Variants in RSU1 observed in about 807,000 individuals in gnomAD.
RSU1 encodes Ras suppressor protein 1, also known as rsu-1.
RSU1 carries 26 observed loss-of-function variants against 31.1 expected under a neutral mutation model. The observed-to-expected ratio is 0.84, with a 90% CI of 0.61 to 1.16. The LOEUF is 1.16. RSU1 is among the 50% of genes most tolerant of loss of function. The pLI, the probability that RSU1 is intolerant of heterozygous loss-of-function variation, is 0.00. For missense variants in RSU1, 320 were observed against 339.1 expected (o/e 0.94, Z 0.44); for synonymous variants, 164 against 136.3 (o/e 1.20, Z -1.41).
intron 7 of RSU1, among the ~76,000 whole-genome samples, chr10:16,701,774 T>C (rs997695920): frequency 1.3e-5 from 2 of 152,122 alleles, no homozygotes. Context: ...ATTGCTTCCA[T>C]CTGATGCTCT....
intron 8 of RSU1, among the ~76,000 whole-genome samples, chr10:16,682,535 T>TATACACAC (rs1835345662): frequency 7.6e-5 from 2 of 26,480 alleles, no homozygotes; most frequent in Admixed American, 7.1e-4. Flanking sequence ...AAATCATTCA[T>TATACACAC]ACACACACAC....
chr10:16,671,766 C>G (rs1441381382), intron 8 of RSU1, among the ~76,000 whole-genome samples: 1 of 151,838 alleles, frequency 6.6e-6, no homozygotes, highest in African/African-American at 2.4e-5. Flanking sequence ...GCTGGGGCTA[C>G]AGGCACATAC....
intron 7 of RSU1, among the ~76,000 whole-genome samples, chr10:16,727,628 C>T (rs1836425837): frequency 6.6e-6 from 1 of 152,200 alleles, no homozygotes; most frequent in Non-Finnish European, 1.5e-5. Context: ...GTATTTTTCA[C>T]TCCGGATCCA....
Position 16,647,199 on chromosome 10 carries a change from C to T in RSU1, c.731+47824G>A, listed in dbSNP as rs187527697. On this transcript the variant is annotated intron_variant, in intron 8 of 8. Transcript: ENST00000345264. ...ATGTTGGCCAGGATAGCCTCAATCT[C>T]CTGACCTCGTGATCTACACGCCTCG... is the stretch of plus-strand genomic sequence containing the variant. Among the ~76,000 whole-genome samples, 656 of 126,062 alleles carry T rather than the reference C, an allele frequency of 5.2e-3. 5 individuals carry two copies. Among genetic ancestry groups the T allele is most frequent in the African/African-American group, 0.018 (623 of 33,906 alleles). The allele number at this position is 126,062 out of a possible 152,430, so 82.7% of individuals were successfully genotyped here. A position where few individuals can be genotyped will look rare whatever the true frequency, so the allele number is the denominator to read the frequency against.
intron 3 of RSU1, among the ~76,000 whole-genome samples, chr10:16,775,238 G>C (rs1324866271): frequency 6.6e-6 from 1 of 152,062 alleles, no homozygotes; most frequent in Admixed American, 6.6e-5. Context: ...CTGTTTGATA[G>C]ACATTCTATC....
intron 2 of RSU1, among the ~76,000 whole-genome samples, chr10:16,802,006 A>C (rs549197846): frequency 2.0e-5 from 3 of 152,106 alleles, no homozygotes; most frequent in African/African-American, 7.2e-5. Context: ...AATAATCTAA[A>C]CTTCTACCCT....
At chr10:16,815,396 T>C (rs1438861203) in intron 2 of RSU1, among the ~76,000 whole-genome samples, 3 of 152,202 alleles carry the variant, frequency 2.0e-5, no homozygotes, top group Non-Finnish European at 4.4e-5. Context: ...GTGAAAACCG[T>C]GAATTCACAG....
At chr10:16,648,112 C>T (rs939281587) in intron 8 of RSU1, among the ~76,000 whole-genome samples, 3 of 135,394 alleles carry the variant, frequency 2.2e-5, no homozygotes, top group African/African-American at 1.0e-4. Flanking sequence ...TTGTGCCTGG[C>T]TAATTTAAAA....
intron 8 of RSU1, among the ~76,000 whole-genome samples, chr10:16,615,560 C>A (rs1833961992): frequency 6.6e-6 from 1 of 151,934 alleles, no homozygotes; most frequent in Non-Finnish European, 1.5e-5. Flanking sequence ...GAACTCTTCA[C>A]TCCAAATCAA....
intron 7 of RSU1, among the ~76,000 whole-genome samples, chr10:16,703,903 C>A (rs1203840340): frequency 6.6e-6 from 1 of 152,136 alleles, no homozygotes; most frequent in South Asian, 2.1e-4. Context: ...TTGAAGCAGG[C>A]GTTCTCAAAC....
At chr10:16,703,975 T>A (rs573662269) in intron 7 of RSU1, among the ~76,000 whole-genome samples, 42 of 139,752 alleles carry the variant, frequency 3.0e-4, no homozygotes, top group South Asian at 1.8e-3. Context: ...TTTAGTTTCA[T>A]AGGTCTTGGG....
At chr10:16,721,087 G>A (rs1194019737) in intron 7 of RSU1, among the ~76,000 whole-genome samples, 4 of 152,202 alleles carry the variant, frequency 2.6e-5, no homozygotes, top group African/African-American at 9.7e-5. Context: ...CATTAGTACA[G>A]TTTGTGTCAT....
rs550087609 is a variant in RSU1 at position 16,774,851 on chromosome 10, T to C, written c.160+7183A>G. On this transcript the variant is annotated intron_variant, in intron 3 of 8. Coordinates refer to ENST00000345264, the MANE Select transcript of RSU1 (RefSeq NM_012425.4). ...ACAGGGGCTCACAGTGGCCTGTATT[T>C]CTGGTACTTTTGGAGGCCAAGGCAG... 5.3e-5 allele frequency among the ~76,000 whole-genome samples: 8 copies of C among 152,196 alleles called. No homozygotes were observed. The South Asian group carries it at 1.7e-3, about 32-fold the overall frequency.
At chr10:16,752,710 A>G in intron 6 of RSU1, 57 bp from the exon 7 acceptor site, 6 of 1,316,798 alleles carry the variant, frequency 4.6e-6, no homozygotes, top group South Asian at 1.2e-5. Context: ...TGCTCCACAG[A>G]AACTCTCATC....
intron 7 of RSU1, among the ~76,000 whole-genome samples, chr10:16,717,859 TA>T (rs1564330305): frequency 6.6e-6 from 1 of 151,882 alleles, no homozygotes; most frequent in Non-Finnish European, 1.5e-5. Flanking sequence ...TTACTATAAA[TA>T]ACAGAGTGAA....
At chr10:16,732,003 G>T (rs1048371465) in intron 7 of RSU1, among the ~76,000 whole-genome samples, 3 of 152,126 alleles carry the variant, frequency 2.0e-5, no homozygotes, top group African/African-American at 7.2e-5. Flanking sequence ...GGGGCCAATG[G>T]ACTTATAAAC....
At chr10:16,814,334 G>A (rs999851127) in intron 2 of RSU1, among the ~76,000 whole-genome samples, 1 of 151,770 alleles carries the variant, frequency 6.6e-6, no homozygotes, top group Non-Finnish European at 1.5e-5. Context: ...TATAGTCCCA[G>A]CTACTCGGGA....
chr10:16,673,908 G>C (rs1033972478), intron 8 of RSU1, among the ~76,000 whole-genome samples: 15 of 152,068 alleles, frequency 9.9e-5, no homozygotes, highest in Admixed American at 6.6e-4. Flanking sequence ...CCTCTCCTCT[G>C]CTGTTTATTT....
rs1564298312 is a variant in RSU1, at chr10:16,645,931, CATATGT to C, written c.731+49086_731+49091del. Among the ~76,000 whole-genome samples the C allele has an allele frequency of 1.3e-4, 2 of 15,614 alleles. 1 individual carries two copies. The highest frequency in any genetic ancestry group is 1.9e-3 in the Admixed American group (2 of 1,028). The allele number at this position is 15,614 out of a possible 152,430, so 10.2% of individuals were successfully genotyped here. A position where few individuals can be genotyped will look rare whatever the true frequency, so the allele number is the denominator to read the frequency against. On this transcript the variant is annotated intron_variant, in intron 8 of 8. Transcript: ENST00000345264. ...ATATGTATATATATGTGTATATACA[CATATGT>C]GTATATATATGTGTATATACATATA... is the stretch of plus-strand genomic sequence containing the variant.
Sources: allele counts gnomAD v4.1 joint callset (sites outside exome capture counted in the v4.1 genomes callset), GRCh38; gene constraint gnomAD v4.1.1; transcripts MANE v1.5; gene names NCBI Gene and HGNC (gene_info 2026-07-23, HGNC 2026-07-21).